The following PDE4D variants were observed in gnomAD, a reference collection of about 807,000 sequenced individuals.
PDE4D encodes phosphodiesterase 4D.
In PDE4D, 24 loss-of-function variants were observed where a neutral mutation model predicts 87.4. The observed-to-expected ratio is 0.27, with a 90% CI of 0.20 to 0.39. The LOEUF is 0.39. Among genes scored for constraint, PDE4D ranks in the 10% least tolerant of loss-of-function variants. PDE4D has a pLI of 1.00. For synonymous variants in PDE4D, 384 were observed against 383.2 expected (o/e 1.00, Z -0.02); for missense variants, 714 against 1,041.0 (o/e 0.69, Z 4.32).
intron 2 of PDE4D, among the ~76,000 whole-genome samples, chr5:60,134,776 C>T (rs1016745979): frequency 2.6e-5 from 4 of 152,194 alleles, no homozygotes; most frequent in Non-Finnish European, 5.9e-5. Flanking sequence ...AAAAAACATC[C>T]GTAAATGTCC....
chr5:59,803,132 AC>A (rs1156868688), intron 1 of PDE4D, among the ~76,000 whole-genome samples: 1 of 152,126 alleles, frequency 6.6e-6, no homozygotes, highest in Non-Finnish European at 1.5e-5. Flanking sequence ...CCAGGGGAGT[AC>A]GGCACAGGAA....
chr5:59,510,989 C>CAAAAT (rs1810195800), intron 1 of PDE4D, among the ~76,000 whole-genome samples: 1 of 151,760 alleles, frequency 6.6e-6, no homozygotes, highest in Non-Finnish European at 1.5e-5. Context: ...TGATGCAAGA[C>CAAAAT]AAAATAAAAT....
intron 1 of PDE4D, among the ~76,000 whole-genome samples, chr5:59,345,462 G>GA (rs1779458529): frequency 6.6e-6 from 1 of 152,126 alleles, no homozygotes; most frequent in African/African-American, 2.4e-5. Context: ...GCTGCATATG[G>GA]ATCAAACAGG....
chr5:59,479,267 G>A (rs1042476645), intron 1 of PDE4D, among the ~76,000 whole-genome samples: 2 of 151,966 alleles, frequency 1.3e-5, no homozygotes, highest in Non-Finnish European at 2.9e-5. Context: ...GCTCCCTGGA[G>A]AGTTCCTAAG....
At chr5:59,723,395 T>A (rs1756135347) in intron 1 of PDE4D, among the ~76,000 whole-genome samples, 1 of 152,116 alleles carries the variant, frequency 6.6e-6, no homozygotes, top group African/African-American at 2.4e-5. Flanking sequence ...AAATGAGACA[T>A]TACATGCAAA....
intron 1 of PDE4D, among the ~76,000 whole-genome samples, chr5:59,871,114 G>A (rs1196432406): frequency 1.2e-4 from 18 of 152,102 alleles, no homozygotes; most frequent in Non-Finnish European, 1.0e-4. Flanking sequence ...GTGGAATATG[G>A]CAAAGTTAAA....
At chr5:59,836,658 C>CTATCTATCTATAT (rs61603830) in intron 1 of PDE4D, among the ~76,000 whole-genome samples, 1 of 120,868 alleles carries the variant, frequency 8.3e-6, no homozygotes, top group African/African-American at 4.7e-5. Flanking sequence ...ATCTATCTAT[C>CTATCTATCTATAT]ATCTATCTAC....
chr5:59,179,343 C>T (rs980079355), intron 5 of PDE4D, among the ~76,000 whole-genome samples: 1 of 152,148 alleles, frequency 6.6e-6, no homozygotes, highest in Non-Finnish European at 1.5e-5. Flanking sequence ...CTCAAGTGAT[C>T]CACCCACCTT....
At chr5:59,012,175 C>G (rs999604349) in intron 6 of PDE4D, among the ~76,000 whole-genome samples, 1 of 152,170 alleles carries the variant, frequency 6.6e-6, no homozygotes, top group Non-Finnish European at 1.5e-5. Context: ...AAAGGAACAA[C>G]CAGTACCAGC....
At chr5:59,005,141 T>C (rs1054345374) in intron 6 of PDE4D, among the ~76,000 whole-genome samples, 1 of 152,206 alleles carries the variant, frequency 6.6e-6, no homozygotes, top group Non-Finnish European at 1.5e-5. Context: ...AGATTACATA[T>C]AGTAGATAAT....
chr5:58,987,541 C>T (rs909168487), intron 11 of PDE4D, among the ~76,000 whole-genome samples: 3 of 152,070 alleles, frequency 2.0e-5, no homozygotes, highest in African/African-American at 4.8e-5. Context: ...TTAAATCTGG[C>T]TACAGCAAAG....
intron 1 of PDE4D, among the ~76,000 whole-genome samples, chr5:60,222,531 A>T (rs1266600453): frequency 2.9e-4 from 44 of 152,182 alleles, no homozygotes; most frequent in Admixed American, 2.8e-3. Context: ...TATAGATCAT[A>T]GGGTAGATGT....
At chr5:59,026,015 T>C (rs570803170) in intron 6 of PDE4D, among the ~76,000 whole-genome samples, 3 of 152,368 alleles carry the variant, frequency 2.0e-5, no homozygotes, top group East Asian at 1.9e-4. Flanking sequence ...TAGGCAAACA[T>C]TGCAGAATAC....
At chr5:59,827,945 A>G (rs1770516699) in intron 1 of PDE4D, among the ~76,000 whole-genome samples, 1 of 152,264 alleles carries the variant, frequency 6.6e-6, no homozygotes, top group Non-Finnish European at 1.5e-5. Context: ...TTGAGGTCAT[A>G]TTGTATTTGT....
chr5:59,173,440 C>G (rs189853574), intron 5 of PDE4D, among the ~76,000 whole-genome samples: 6 of 152,310 alleles, frequency 3.9e-5, no homozygotes, highest in Admixed American at 2.6e-4. Context: ...AATAGTAATA[C>G]TCCATGCATT....
chr5:59,038,669 A>G (rs1252129234), intron 6 of PDE4D, among the ~76,000 whole-genome samples, 190 bp downstream of exon 6: 1 of 152,198 alleles, frequency 6.6e-6, no homozygotes, highest in African/African-American at 2.4e-5. Flanking sequence ...CTTTTGGAAA[A>G]TGTTTATCTG....
At chr5:59,043,440 G>A (rs1052272913) in intron 5 of PDE4D, among the ~76,000 whole-genome samples, 3 of 152,098 alleles carry the variant, frequency 2.0e-5, no homozygotes, top group Admixed American at 6.5e-5. Context: ...GGAGAATGGC[G>A]TGAACCCGGC....
intron 5 of PDE4D, among the ~76,000 whole-genome samples, chr5:59,042,266 G>A (rs115046480): frequency 0.011 from 1,661 of 152,228 alleles, 37 homozygotes; most frequent in African/African-American, 0.038. Flanking sequence ...CATTTGTAAA[G>A]CTTCACTTTT....
At chr5:59,118,233 C>T (rs1773929495) in intron 5 of PDE4D, among the ~76,000 whole-genome samples, 1 of 152,116 alleles carries the variant, frequency 6.6e-6, no homozygotes, top group African/African-American at 2.4e-5. Flanking sequence ...GGTAACTTTC[C>T]AAAGGCCACT....
Sources: gnomAD v4.1 joint callset for allele counts (sites outside exome capture counted in the v4.1 genomes callset) on GRCh38, gnomAD v4.1.1 for gene constraint, MANE v1.5 for transcripts, NCBI Gene and HGNC (gene_info 2026-07-23, HGNC 2026-07-21) for gene names.